The following TAFA1 variants were observed in gnomAD, a reference collection of about 807,000 sequenced individuals.
TAFA1 encodes the protein TAFA chemokine like family member 1, also known as chemokine-like protein TAFA-1.
TAFA1 carries 4 observed loss-of-function variants against 18.5 expected under a neutral mutation model. The observed-to-expected ratio is 0.22, with a 90% CI of 0.11 to 0.49. The LOEUF is 0.49. TAFA1 is among the 20% of genes least tolerant of loss of function. TAFA1 has a pLI of 0.98. For missense variants in TAFA1, 147 were observed against 169.0 expected (o/e 0.87, Z 0.72); for synonymous variants, 56 against 55.2 (o/e 1.01, Z -0.06).
At chr3:68,460,267 C>G (rs1226170827) in intron 3 of TAFA1, among the ~76,000 whole-genome samples, 1 of 152,160 alleles carries the variant, frequency 6.6e-6, no homozygotes, top group East Asian at 1.9e-4. Context: ...AACTTTAGAG[C>G]ATCCTGTTCC....
intron 2 of TAFA1, among the ~76,000 whole-genome samples, chr3:68,276,519 A>G (rs1277087256): frequency 6.6e-6 from 1 of 152,192 alleles, no homozygotes; most frequent in Non-Finnish European, 1.5e-5. Flanking sequence ...TTGTGTGCAA[A>G]GTTTTACCAA....
intron 2 of TAFA1, among the ~76,000 whole-genome samples, chr3:68,246,095 T>C (rs1343411287): frequency 2.6e-5 from 4 of 152,194 alleles, no homozygotes; most frequent in African/African-American, 9.7e-5. Flanking sequence ...TTTCCATGCC[T>C]GTTTCCACAT....
chr3:68,206,894 C>T (rs1348323031), intron 2 of TAFA1, among the ~76,000 whole-genome samples: 1 of 151,894 alleles, frequency 6.6e-6, no homozygotes, highest in East Asian at 1.9e-4. Flanking sequence ...ATGATCTCCA[C>T]AGATGCTAGG....
At chr3:68,436,932 G>T (rs2071276894) in intron 3 of TAFA1, among the ~76,000 whole-genome samples, 1 of 152,138 alleles carries the variant, frequency 6.6e-6, no homozygotes, top group Non-Finnish European at 1.5e-5. Flanking sequence ...TCTAAATAGT[G>T]CTGAAAACTG....
At chr3:68,031,498 G>A (rs1341950434) in intron 2 of TAFA1, among the ~76,000 whole-genome samples, 1 of 152,152 alleles carries the variant, frequency 6.6e-6, no homozygotes, top group South Asian at 2.1e-4. Flanking sequence ...GCTGAGTAAA[G>A]GTGTGAGGAC....
chr3:68,187,892 TG>T (rs1257831452), intron 2 of TAFA1, among the ~76,000 whole-genome samples: 3 of 152,032 alleles, frequency 2.0e-5, no homozygotes, highest in African/African-American at 7.2e-5. Context: ...GGCTTTAATT[TG>T]CATTTTGTTA....
intron 2 of TAFA1, among the ~76,000 whole-genome samples, chr3:68,293,417 T>G (rs2068150031): frequency 6.6e-6 from 1 of 152,176 alleles, no homozygotes; most frequent in Non-Finnish European, 1.5e-5. Flanking sequence ...AAATCCCTGT[T>G]GTAGATCAAC....
chr3:68,079,417 T>C (rs1452806796), intron 2 of TAFA1, among the ~76,000 whole-genome samples: 1 of 152,236 alleles, frequency 6.6e-6, no homozygotes, highest in Non-Finnish European at 1.5e-5. Context: ...GGTGTCAATT[T>C]TGGATCTTTC....
chr3:68,293,480 G>A (rs1023970648), intron 2 of TAFA1, among the ~76,000 whole-genome samples: 6 of 152,194 alleles, frequency 3.9e-5, no homozygotes, highest in African/African-American at 1.4e-4. Context: ...TTAAGAGTGT[G>A]TACTCAGGAT....
At chr3:68,345,211 C>T (rs189481987) in intron 2 of TAFA1, among the ~76,000 whole-genome samples, 46 of 152,206 alleles carry the variant, frequency 3.0e-4, no homozygotes, top group Admixed American at 2.2e-3. Flanking sequence ...CTGCCAAATT[C>T]CCACAGATTG....
chr3:68,425,998 AGTC>A (rs1466372662), intron 3 of TAFA1, among the ~76,000 whole-genome samples: 1 of 151,800 alleles, frequency 6.6e-6, no homozygotes, highest in Admixed American at 6.6e-5. Flanking sequence ...AAGCTCATAC[AGTC>A]GTTTCCTACT....
chr3:68,117,758 AT>A (rs2065341460), intron 2 of TAFA1, among the ~76,000 whole-genome samples: 1 of 152,188 alleles, frequency 6.6e-6, no homozygotes, highest in African/African-American at 2.4e-5. Context: ...TGTCTTAAAA[AT>A]TTTCATCAAT....
chr3:68,426,037 GA>G (rs2071045543), intron 3 of TAFA1, among the ~76,000 whole-genome samples: 1 of 86,788 alleles, frequency 1.2e-5, no homozygotes, highest in Non-Finnish European at 2.2e-5. Context: ...AACTAATTTT[GA>G]ATGAATTATT....
chr3:68,190,503 A>G (rs2066323999), intron 2 of TAFA1, among the ~76,000 whole-genome samples: 1 of 151,860 alleles, frequency 6.6e-6, no homozygotes, highest in Non-Finnish European at 1.5e-5. Context: ...GTTTCTGACA[A>G]TGTGCTTTTA....
intron 2 of TAFA1, among the ~76,000 whole-genome samples, chr3:68,365,647 A>G (rs189975434): frequency 2.0e-5 from 3 of 152,314 alleles, no homozygotes; most frequent in Non-Finnish European, 2.9e-5. Context: ...GAGACTGGGT[A>G]ATTGATAAAG....
intron 2 of TAFA1, among the ~76,000 whole-genome samples, chr3:68,292,093 C>A (rs902498664): frequency 2.0e-5 from 3 of 152,108 alleles, no homozygotes; most frequent in African/African-American, 7.2e-5. Flanking sequence ...AAAAATCAAC[C>A]TAGACATCAA....
intron 2 of TAFA1, among the ~76,000 whole-genome samples, chr3:68,130,879 T>C (rs907667774): frequency 6.6e-6 from 1 of 152,160 alleles, no homozygotes; most frequent in African/African-American, 2.4e-5. Flanking sequence ...CCTCCCTGGC[T>C]AGAGTCTTCT....
chr3:68,455,691 A>G (rs888393250), intron 3 of TAFA1, among the ~76,000 whole-genome samples: 4 of 151,914 alleles, frequency 2.6e-5, no homozygotes, highest in African/African-American at 9.7e-5. Flanking sequence ...CATTTTCAAG[A>G]TTTTCTTGAT....
At chr3:68,506,583 G>T (rs1559698044) in intron 3 of TAFA1, among the ~76,000 whole-genome samples, 1 of 152,112 alleles carries the variant, frequency 6.6e-6, no homozygotes. Context: ...GGGCAACGCT[G>T]TGCTCCACTG....
Sources: allele counts gnomAD v4.1 joint callset (sites outside exome capture counted in the v4.1 genomes callset), GRCh38; gene constraint gnomAD v4.1.1; transcripts MANE v1.5; gene names NCBI Gene and HGNC (gene_info 2026-07-23, HGNC 2026-07-21).